FHOD3: variants seen among roughly 807,000 people sequenced by gnomAD.
FHOD3 encodes the protein FH1/FH2 domain-containing protein 3.
A neutral mutation model predicts 173.0 loss-of-function variants in FHOD3; 90 were observed. The observed-to-expected ratio is 0.52, with a 90% CI of 0.44 to 0.62. The LOEUF (loss-of-function observed/expected upper bound fraction) is 0.62, where lower values mean the gene tolerates loss of function less well. Ranked by LOEUF, FHOD3 falls within the 20% of genes least tolerant of loss-of-function variation. The pLI is 0.00. For missense variants in FHOD3, 1,945 were observed against 2,034.7 expected (o/e 0.96, Z 0.85); for synonymous variants, 828 against 823.0 (o/e 1.01, Z -0.10).
chr18:36,501,860 C>A, intron 3 of FHOD3, 72 bp from the exon 4 acceptor site: 1 of 1,070,614 alleles, frequency 9.3e-7, no homozygotes, highest in Non-Finnish European at 1.4e-6. Context: ...TGTTATCATT[C>A]ATATCCTGTC....
intron 18 of FHOD3, 35 bp from the exon 19 acceptor site, chr18:36,717,797 C>T: frequency 2.6e-6 from 4 of 1,527,486 alleles, no homozygotes; most frequent in Non-Finnish European, 3.5e-6. Flanking sequence ...GGCCCCCTTG[C>T]CCCTTTCTCA....
intron 10 of FHOD3, among the ~76,000 whole-genome samples, chr18:36,629,495 A>G (rs777993825): frequency 3.3e-5 from 5 of 152,190 alleles, no homozygotes; most frequent in East Asian, 1.9e-4. Context: ...CCCTGTCCCA[A>G]GGGTCTGGGT....
chr18:36,646,965 G>A (rs1431677623), intron 10 of FHOD3, among the ~76,000 whole-genome samples: 2 of 152,182 alleles, frequency 1.3e-5, no homozygotes, highest in Non-Finnish European at 2.9e-5. Flanking sequence ...GGCCGGGTGC[G>A]GTGGCTCATG....
chr18:36,513,987 T>G (rs1197800132), intron 5 of FHOD3, among the ~76,000 whole-genome samples: 1 of 150,254 alleles, frequency 6.7e-6, no homozygotes, highest in African/African-American at 2.4e-5. Flanking sequence ...GAGAGATGCT[T>G]TATTGCTGAA....
chr18:36,311,340 T>A (rs1303670105), intron 1 of FHOD3, among the ~76,000 whole-genome samples: 2 of 152,156 alleles, frequency 1.3e-5, no homozygotes, highest in African/African-American at 4.8e-5. Context: ...CCTTCCTCCC[T>A]TTCACAGATG....
intron 6 of FHOD3, among the ~76,000 whole-genome samples, chr18:36,581,020 G>A (rs900343561): frequency 3.9e-5 from 6 of 152,234 alleles, no homozygotes; most frequent in African/African-American, 1.2e-4. Context: ...GCAACAAGAT[G>A]TGATTTTGCA....
chr18:36,345,784 A>T (rs575604968), intron 1 of FHOD3, among the ~76,000 whole-genome samples: 3 of 152,372 alleles, frequency 2.0e-5, no homozygotes, highest in African/African-American at 7.2e-5. Context: ...GAGCTAGAAA[A>T]CAAACTTACA....
At chr18:36,470,110 C>T (rs1173640434) in intron 3 of FHOD3, among the ~76,000 whole-genome samples, 2 of 152,172 alleles carry the variant, frequency 1.3e-5, no homozygotes, top group Non-Finnish European at 2.9e-5. Flanking sequence ...CAGGCAGGGG[C>T]CATGCCTGGG....
At chr18:36,734,716 C>G (rs1401987618) in intron 20 of FHOD3, among the ~76,000 whole-genome samples, 1 of 152,142 alleles carries the variant, frequency 6.6e-6, no homozygotes, top group Admixed American at 6.5e-5. Flanking sequence ...AGAAGAGATG[C>G]AATTGGGTAC....
At chr18:36,332,981 T>C (rs1321239119) in intron 1 of FHOD3, among the ~76,000 whole-genome samples, 3 of 152,238 alleles carry the variant, frequency 2.0e-5, no homozygotes, top group African/African-American at 7.2e-5. Context: ...TGTACTCTTC[T>C]GTTTACTTGT....
chr18:36,574,612 G>A (rs1359180881), intron 5 of FHOD3, among the ~76,000 whole-genome samples: 1 of 151,912 alleles, frequency 6.6e-6, no homozygotes, highest in African/African-American at 2.4e-5. Flanking sequence ...TAATCTCTTT[G>A]TAATAAATTC....
intron 3 of FHOD3, among the ~76,000 whole-genome samples, chr18:36,494,844 C>T (rs763918987): frequency 1.3e-5 from 2 of 151,674 alleles, no homozygotes; most frequent in Non-Finnish European, 2.9e-5. Context: ...TACTGTTATA[C>T]TTTTTTTTTG....
intron 10 of FHOD3, among the ~76,000 whole-genome samples, chr18:36,637,478 A>G (rs2034971739): frequency 6.6e-6 from 1 of 151,098 alleles, no homozygotes. Context: ...CTGGTCTTGA[A>G]CTCTTGACCT....
At chr18:36,708,896 A>G (rs1351296164) in intron 17 of FHOD3, among the ~76,000 whole-genome samples, 199 bp from the exon 18 acceptor site, 3 of 152,166 alleles carry the variant, frequency 2.0e-5, no homozygotes, top group Non-Finnish European at 2.9e-5. Flanking sequence ...GTCACTGACT[A>G]GGGACTTTCC....
rs767199952 is a variant in FHOD3, at chr18:36,747,016, C to T, written c.4113C>T (p.Leu1371=). 3.2e-5 allele frequency: 51 copies of T among 1,613,944 alleles called. No homozygotes were observed. In the East Asian group the frequency reaches 4.9e-4, roughly 16 times the overall value. Residue 1371 remains leucine, a synonymous_variant, in exon 24 of 29, where the codon CTC becomes CTT. Coordinates refer to ENST00000590592, the MANE Select transcript of FHOD3 (RefSeq NM_001281740.3). ...GATGCAAAGCTTCATGGGATCACCT[C>T]AAGGCAATTGCAAAACATGAAATGA... ...ERRCKASWDH[L]KAIAKHEMKP... is the part of the protein sequence containing the mutation.
chr18:36,498,123 A>T lies in FHOD3; in HGVS notation c.338-3809A>T, dbSNP rs567978931. On this transcript the variant is annotated intron_variant, in intron 3 of 28. Transcript: ENST00000590592. ...GTCAAAAAAATCACAAGGTTAAGTTATTCCCCTCTGAATTCAATATTAATA... is the reference window on the plus strand; with the variant it reads ...GTCAAAAAAATCACAAGGTTAAGTTTTTCCCCTCTGAATTCAATATTAATA... 4.9e-4 allele frequency among the ~76,000 whole-genome samples: 75 copies of T among 152,326 alleles called. 1 individual carries two copies. The South Asian group carries it at 0.015, about 31-fold the overall frequency.
chr18:36,647,793 G>A (rs997885388), intron 10 of FHOD3, among the ~76,000 whole-genome samples: 9 of 152,196 alleles, frequency 5.9e-5, no homozygotes, highest in Non-Finnish European at 8.8e-5. Flanking sequence ...TCCCACAGCT[G>A]TAATGTTGAA....
chr18:36,315,389 G>C (rs1170926974), intron 1 of FHOD3, among the ~76,000 whole-genome samples: 1 of 152,116 alleles, frequency 6.6e-6, no homozygotes, highest in Non-Finnish European at 1.5e-5. Context: ...CTGGATCCCA[G>C]ATTTGCTCCC....
chr18:36,389,717 T>G (rs2048205020), intron 3 of FHOD3, among the ~76,000 whole-genome samples: 1 of 152,214 alleles, frequency 6.6e-6, no homozygotes, highest in Admixed American at 6.5e-5. Flanking sequence ...CCCAACACCC[T>G]GCTCTTCCTA....
Sources: gnomAD v4.1 joint callset for allele counts (sites outside exome capture counted in the v4.1 genomes callset) on GRCh38, gnomAD v4.1.1 for gene constraint, MANE v1.5 for transcripts, NCBI Gene and HGNC (gene_info 2026-07-23, HGNC 2026-07-21) for gene names.